The following NEK5 variants were observed in gnomAD, a reference collection of about 807,000 sequenced individuals.
The protein encoded by NEK5 is NIMA related kinase 5, also known as serine/threonine-protein kinase Nek5.
NEK5 carries 88 observed loss-of-function variants against 109.2 expected under a neutral mutation model. That is an observed-to-expected ratio of 0.81 (90% confidence interval 0.68 to 0.96). The LOEUF (loss-of-function observed/expected upper bound fraction) is 0.96. Ranked by LOEUF, NEK5 falls within the 40% of genes least tolerant of loss-of-function variation. NEK5 has a pLI of 0.00. For missense variants in NEK5, 834 were observed against 920.7 expected, an observed-to-expected ratio of 0.91 and a Z score of 1.22; for synonymous variants, 283 against 299.9, an observed-to-expected ratio of 0.94 and a Z score of 0.58.
intron 20 of NEK5, among the ~76,000 whole-genome samples, chr13:52,066,009 A>G (rs1954684910): frequency 9.8e-6 from 1 of 102,108 alleles, no homozygotes; most frequent in Non-Finnish European, 2.6e-5. Flanking sequence ...TCAGGTAGGT[A>G]GAAGAAAAAA....
intron 3 of NEK5, among the ~76,000 whole-genome samples, chr13:52,124,632 T>C (rs1166417459): frequency 6.6e-6 from 1 of 152,212 alleles, no homozygotes; most frequent in African/African-American, 2.4e-5. Flanking sequence ...AGTTTCAAAT[T>C]TTTGTACCAT....
At chr13:52,122,892 G>A (rs1186925114) in intron 3 of NEK5, among the ~76,000 whole-genome samples, 3 of 152,186 alleles carry the variant, frequency 2.0e-5, no homozygotes, top group South Asian at 2.1e-4. Context: ...GAGGTTATAT[G>A]CTATTTTTAT....
chr13:52,089,870 A>G (rs1955240705), intron 13 of NEK5, among the ~76,000 whole-genome samples: 1 of 151,994 alleles, frequency 6.6e-6, no homozygotes, highest in Admixed American at 6.6e-5. Context: ...AATCCCAGCT[A>G]CTGGGGAGGC....
At chr13:52,103,056 C>T (rs1002764532) in intron 9 of NEK5, among the ~76,000 whole-genome samples, 1 of 152,156 alleles carries the variant, frequency 6.6e-6, no homozygotes, top group Non-Finnish European at 1.5e-5. Flanking sequence ...TAAAATGCTT[C>T]ATAGACCAGA....
intron 12 of NEK5, among the ~76,000 whole-genome samples, chr13:52,097,650 T>C (rs1955444211): frequency 6.6e-6 from 1 of 152,226 alleles, no homozygotes. Context: ...TTGTTTTTTA[T>C]TTTACAGCCT....
At chr13:52,068,683 G>C (rs1954730540) in intron 20 of NEK5, among the ~76,000 whole-genome samples, 1 of 152,154 alleles carries the variant, frequency 6.6e-6, no homozygotes, top group Non-Finnish European at 1.5e-5. Context: ...AAATATGAAG[G>C]GTTGGCCAGG....
At chr13:52,063,300 C>T (rs1039912775) in intron 21 of NEK5, among the ~76,000 whole-genome samples, 9 of 152,232 alleles carry the variant, frequency 5.9e-5, no homozygotes, top group Non-Finnish European at 1.2e-4. Flanking sequence ...GTCTCCAGCT[C>T]CTAACCGCGA....
intron 22 of NEK5, among the ~76,000 whole-genome samples, chr13:52,057,983 A>G (rs947752083): frequency 6.6e-6 from 1 of 152,154 alleles, no homozygotes; most frequent in Admixed American, 6.5e-5. Flanking sequence ...AATAAAGAGT[A>G]TTCAATTAGG....
rs554006556 is a variant in NEK5 at position 52,054,613 on chromosome 13, G to C, written c.2111-4392C>G. On this transcript the variant is annotated intron_variant, in intron 22 of 23. Transcript: ENST00000684899. ...GCAGCTGGAGATCTGAGAACAGGCA[G>C]ACTGCCTCCTCAAGTGGGTCCCTGA... Among the ~76,000 whole-genome samples the C allele has an allele frequency of 2.8e-4, 42 of 152,390 alleles. 1 individual carries two copies. The East Asian group carries it at 7.9e-3, about 29-fold the overall frequency.
chr13:52,127,474 C>CTT lies in NEK5; in HGVS notation c.7_8dup (p.Tyr4SerfsTer4). The stretch of plus-strand genomic sequence containing the variant: ...GCCCGATGGCCTTAATCACATCGTA[C>CTT]TTATCCATGGTCTCCAATGGGCTGA... On this transcript the variant is annotated frameshift_variant, in exon 3 of 24. Transcript: ENST00000684899. LOFTEE classifies it high-confidence loss of function. 6.3e-7 allele frequency: 1 copy of CTT among 1,588,114 alleles called. No homozygotes were observed. Among genetic ancestry groups the CTT allele is most frequent in the Non-Finnish European group, 8.6e-7 (1 of 1,156,504 alleles).
At chr13:52,103,287 C>T (rs975674657) in intron 9 of NEK5, among the ~76,000 whole-genome samples, 7 of 152,174 alleles carry the variant, frequency 4.6e-5, no homozygotes, top group African/African-American at 1.7e-4. Flanking sequence ...AAAAATTAGC[C>T]GGGTGTGGTG....
At chr13:52,064,484 T>A (rs1335269804) in intron 21 of NEK5, among the ~76,000 whole-genome samples, 4 of 138,866 alleles carry the variant, frequency 2.9e-5, no homozygotes, top group African/African-American at 1.1e-4. Flanking sequence ...AGCCGCCCCG[T>A]CTGGGAGGGA....
chr13:52,126,429 A>G (rs1956064688), intron 3 of NEK5, among the ~76,000 whole-genome samples: 1 of 152,244 alleles, frequency 6.6e-6, no homozygotes, highest in South Asian at 2.1e-4. Flanking sequence ...CAAGCAATAA[A>G]CAAATGAATA....
intron 5 of NEK5, 88 bp from the exon 6 acceptor site, chr13:52,110,665 TAC>T (rs71665641): frequency 0.47 from 302,519 of 643,204 alleles, 69,562 homozygotes; most frequent in Non-Finnish European, 0.52. Context: ...ATAGAAATTA[TAC>T]ACACACACAC....
intron 12 of NEK5, among the ~76,000 whole-genome samples, chr13:52,097,924 T>G (rs1955450755): frequency 6.6e-6 from 1 of 152,160 alleles, no homozygotes; most frequent in Non-Finnish European, 1.5e-5. Flanking sequence ...TGGGGACAGA[T>G]TTCCCTCTTA....
chr13:52,127,243 A>C, intron 3 of NEK5, 123 bp downstream of exon 3: 1 of 621,128 alleles, frequency 1.6e-6, no homozygotes. Context: ...AGGTTGAATT[A>C]ACAAAAATCA....
At chr13:52,084,732 AGT>A (rs879369948) in intron 16 of NEK5, among the ~76,000 whole-genome samples, 39,008 of 100,900 alleles carry the variant, frequency 0.39, 8,347 homozygotes, top group Non-Finnish European at 0.51. Context: ...AGAGAGAGAG[AGT>A]GAGAGAGAGA....
chr13:52,055,195 A>G (rs1274994755), intron 22 of NEK5, among the ~76,000 whole-genome samples: 1 of 152,240 alleles, frequency 6.6e-6, no homozygotes, highest in Non-Finnish European at 1.5e-5. Context: ...AAGGAAGGGT[A>G]TCAGTGATGG....
At chr13:52,105,062 C>G (rs1293818736) in intron 8 of NEK5, among the ~76,000 whole-genome samples, 1 of 152,134 alleles carries the variant, frequency 6.6e-6, no homozygotes, top group Non-Finnish European at 1.5e-5. Flanking sequence ...AGATTTAGTA[C>G]TTCATAAATA....
Sources: gnomAD v4.1 joint callset for allele counts (sites outside exome capture counted in the v4.1 genomes callset) on GRCh38, gnomAD v4.1.1 for gene constraint, MANE v1.5 for transcripts, NCBI Gene and HGNC (gene_info 2026-07-23, HGNC 2026-07-21) for gene names.